The following TSHZ2 variants were observed in gnomAD, a reference collection of about 807,000 sequenced individuals.
TSHZ2 encodes the protein teashirt homolog 2.
Under a neutral mutation model 74.4 loss-of-function variants are expected in TSHZ2, and 21 were observed. That is an observed-to-expected ratio of 0.28 (90% CI 0.20 to 0.41). The LOEUF is 0.41. TSHZ2 is among the 10% of genes least tolerant of loss of function. TSHZ2 has a pLI of 1.00. For missense variants in TSHZ2, 1,244 were observed against 1,293.5 expected, an observed-to-expected ratio of 0.96 and a Z score of 0.59; for synonymous variants, 540 against 515.3, an observed-to-expected ratio of 1.05 and a Z score of -0.65.
chr20:53,042,058 A>C (rs190889440), intron 1 of TSHZ2, among the ~76,000 whole-genome samples: 4,652 of 152,270 alleles, frequency 0.031, 222 homozygotes, highest in African/African-American at 0.1. Context: ...GTGGGAAAAA[A>C]AAAACATATG....
intron 1 of TSHZ2, among the ~76,000 whole-genome samples, chr20:53,190,381 A>G (rs1461975719): frequency 1.3e-5 from 2 of 151,464 alleles, no homozygotes; most frequent in Admixed American, 6.6e-5. Flanking sequence ...AGGGGGTTCA[A>G]AGACAGGAAG....
chr20:52,999,672 G>A (rs1187956473), intron 1 of TSHZ2, among the ~76,000 whole-genome samples: 1 of 152,158 alleles, frequency 6.6e-6, no homozygotes, highest in Non-Finnish European at 1.5e-5. Flanking sequence ...CCACTGGTTT[G>A]TGACTGGAAT....
intron 2 of TSHZ2, among the ~76,000 whole-genome samples, chr20:53,349,414 G>A (rs1980558914): frequency 6.6e-6 from 1 of 152,214 alleles, no homozygotes; most frequent in Admixed American, 6.5e-5. Flanking sequence ...CACTTTAAGA[G>A]GCTGAGGAAG....
intron 2 of TSHZ2, among the ~76,000 whole-genome samples, chr20:53,376,296 C>G (rs1017705754): frequency 6.6e-6 from 1 of 152,148 alleles, no homozygotes; most frequent in African/African-American, 2.4e-5. Flanking sequence ...GTGCTAAAAT[C>G]GGGAAAGTGT....
intron 1 of TSHZ2, among the ~76,000 whole-genome samples, chr20:53,190,086 A>AAT (rs544193424): frequency 0.011 from 267 of 24,966 alleles, 4 homozygotes; most frequent in Non-Finnish European, 0.014. Context: ...CCCTGTCTCA[A>AAT]ATATATATAT....
intron 2 of TSHZ2, among the ~76,000 whole-genome samples, chr20:53,262,481 C>T (rs779032040): frequency 1.3e-5 from 2 of 152,300 alleles, no homozygotes; most frequent in South Asian, 2.1e-4. Flanking sequence ...CTGCACACCT[C>T]GGTGAGCAGA....
chr20:53,433,244 A>G (rs76075928), intron 2 of TSHZ2, among the ~76,000 whole-genome samples: 2,578 of 152,272 alleles, frequency 0.017, 72 homozygotes, highest in African/African-American at 0.06. Context: ...GCTTACACCT[A>G]TAGTCCCAGC....
chr20:53,078,572 A>G (rs1476137798), intron 1 of TSHZ2, among the ~76,000 whole-genome samples: 1 of 152,214 alleles, frequency 6.6e-6, no homozygotes, highest in African/African-American at 2.4e-5. Flanking sequence ...TACATCATAA[A>G]TTATCTTTGA....
chr20:53,288,938 C>A (rs1224299374), intron 2 of TSHZ2, among the ~76,000 whole-genome samples: 1 of 151,962 alleles, frequency 6.6e-6, no homozygotes, highest in Non-Finnish European at 1.5e-5. Flanking sequence ...TACATGGTAC[C>A]CAATGTGTAG....
At chr20:53,050,080 CAAAA>C (rs201397919) in intron 1 of TSHZ2, among the ~76,000 whole-genome samples, 1 of 106,840 alleles carries the variant, frequency 9.4e-6, no homozygotes, top group Non-Finnish European at 1.8e-5. Context: ...GACTCAATCT[CAAAA>C]AAAAAAATGT....
intron 2 of TSHZ2, among the ~76,000 whole-genome samples, chr20:53,359,181 T>C (rs1427815806): frequency 6.6e-6 from 1 of 152,136 alleles, no homozygotes; most frequent in East Asian, 1.9e-4. Context: ...CTTTATGAAT[T>C]AGGAGTTACA....
At chr20:53,136,309 T>G (rs1987243862) in intron 1 of TSHZ2, among the ~76,000 whole-genome samples, 1 of 152,182 alleles carries the variant, frequency 6.6e-6, no homozygotes, top group Non-Finnish European at 1.5e-5. Flanking sequence ...ATTCAAACCA[T>G]AGCAAGTAGA....
intron 2 of TSHZ2, among the ~76,000 whole-genome samples, chr20:53,419,678 A>T (rs1983396940): frequency 6.6e-6 from 1 of 152,266 alleles, no homozygotes; most frequent in African/African-American, 2.4e-5. Flanking sequence ...GCAGTCAATA[A>T]CAAATAGTCT....
At chr20:53,234,186 A>T (rs1989888390) in intron 1 of TSHZ2, among the ~76,000 whole-genome samples, 2 of 152,248 alleles carry the variant, frequency 1.3e-5, no homozygotes, top group Non-Finnish European at 2.9e-5. Context: ...TCTGGGAAGC[A>T]AGACTAGTCC....
chr20:53,223,624 G>C (rs1344281036), intron 1 of TSHZ2, among the ~76,000 whole-genome samples: 2 of 152,024 alleles, frequency 1.3e-5, no homozygotes, highest in African/African-American at 2.4e-5. Flanking sequence ...TCAAACTCCT[G>C]AGCCGAAGTG....
chr20:52,978,032 A>G (rs1006880647), intron 1 of TSHZ2, among the ~76,000 whole-genome samples: 2 of 152,206 alleles, frequency 1.3e-5, no homozygotes, highest in African/African-American at 4.8e-5. Flanking sequence ...ATACCTCCCA[A>G]GTATTTTTAG....
intron 1 of TSHZ2, among the ~76,000 whole-genome samples, chr20:52,999,538 C>A (rs1201090069): frequency 6.6e-6 from 1 of 152,168 alleles, no homozygotes; most frequent in Non-Finnish European, 1.5e-5. Flanking sequence ...TGGAATCCAA[C>A]ATTTCCAAAG....
At chr20:52,981,547 T>C (rs2122879680) in intron 1 of TSHZ2, among the ~76,000 whole-genome samples, 1 of 152,312 alleles carries the variant, frequency 6.6e-6, no homozygotes. Context: ...AAATTTATAT[T>C]AACTGGGAAA....
Position 53,224,849 on chromosome 20 carries a change from CAAAA to C in TSHZ2, c.41-28632_41-28629del, listed in dbSNP as rs1157712413. ...TGGGTGACAGAGCAAGACTCCATCT[CAAAA>C]AAAAAAAAAAAAAAAAAGAACTTAA... On this transcript the variant is annotated intron_variant, in intron 1 of 2. Transcript: ENST00000371497. 3.5e-5 allele frequency among the ~76,000 whole-genome samples: 4 copies of C among 112,924 alleles called. No individual in the cohort carries two copies. In the South Asian group the frequency reaches 1.3e-3, roughly 36 times the overall value. 74.1% of individuals were successfully genotyped at this position (112,924 alleles called of 152,430 possible).
Sources: gnomAD v4.1 joint callset for allele counts (sites outside exome capture counted in the v4.1 genomes callset) on GRCh38, gnomAD v4.1.1 for gene constraint, MANE v1.5 for transcripts, NCBI Gene and HGNC (gene_info 2026-07-23, HGNC 2026-07-21) for gene names.